Variants in SLC6A12 observed in about 807,000 individuals in gnomAD.
The protein encoded by SLC6A12 is sodium- and chloride-dependent betaine transporter.
A neutral mutation model predicts 73.3 loss-of-function variants in SLC6A12; 50 were observed. The observed-to-expected ratio is 0.68, with a 90% CI of 0.54 to 0.86. The LOEUF (loss-of-function observed/expected upper bound fraction) is 0.86, where lower values mean the gene tolerates loss of function less well. SLC6A12 is among the 40% of genes least tolerant of loss of function. SLC6A12 has a pLI of 0.00. For synonymous variants in SLC6A12, 304 were observed against 309.2 expected (o/e 0.98, Z 0.18); for missense variants, 648 against 772.8 (o/e 0.84, Z 1.92).
chr12:187,170 CCT>C (rs767118314), downstream of SLC6A12, among the ~76,000 whole-genome samples: 49 of 152,142 alleles, frequency 3.2e-4, no homozygotes, highest in Non-Finnish European at 6.2e-4. Flanking sequence ...CCAGATTTGG[CCT>C]CTGTTCACCA....
Position 191,109 on chromosome 12 carries a change from T to C in SLC6A12, c.1804A>G (p.Arg602Gly). ...AGRNFGPSPT[R>G]EGLIAGEKET... ...TTCTCCCCGGCTATCAGTCCTTCCC[T>C]TGTTGGGGAGGGCCCAAAGTTCCGG... The change falls in exon 16 of 16, where the codon AGG becomes GGG. Residue 602 changes from arginine (R) to glycine (G), a missense_variant. Arg to Gly is a moderately radical substitution (Grantham distance 125). Coordinates refer to ENST00000684302, the MANE Select transcript of SLC6A12 (RefSeq NM_001122848.3). 1 of 1,354,670 alleles carries C rather than the reference T, an allele frequency of 7.4e-7. No homozygotes were observed. Among genetic ancestry groups the C allele is most frequent in the Non-Finnish European group, 9.6e-7 (1 of 1,040,340 alleles). 83.9% of individuals were successfully genotyped at this position (1,354,670 alleles called of 1,614,324 possible).
At chr12:186,982 C>G (rs11061833), downstream of SLC6A12, among the ~76,000 whole-genome samples, 1 of 152,212 alleles carries the variant, frequency 6.6e-6, no homozygotes, top group African/African-American at 2.4e-5. Context: ...GTTCCCTCCC[C>G]TGCCCAAAGT....
In SLC6A12 at chr12:192,612, G is replaced by C. The variant is rs762988486; in HGVS notation, c.1567C>G (p.Leu523Val). 24 of 1,614,020 alleles carry C rather than the reference G, an allele frequency of 1.5e-5. No homozygotes were observed. The highest frequency in any genetic ancestry group is 2.2e-5 in the East Asian group (1 of 44,874). Reference protein sequence around the residue: ...FLFSLSKYTPLKYNNVYVYPP... With the variant: ...FLFSLSKYTPVKYNNVYVYPP... ...TACACATAGACGTTGTTGTACTTGA[G>C]GGGGGTGTACTTGCTCAAGGAGAAG... is the stretch of plus-strand genomic sequence containing the variant. Residue 523 changes from leucine (L) to valine (V), a missense_variant, in exon 15 of 16, where the codon CTC (leucine) becomes GTC (valine). Coordinates refer to ENST00000684302, the MANE Select transcript of SLC6A12 (RefSeq NM_001122848.3).
At chr12:194,879 C>T (rs1337625597) in intron 13 of SLC6A12, among the ~76,000 whole-genome samples, 1 of 152,160 alleles carries the variant, frequency 6.6e-6, no homozygotes, top group Non-Finnish European at 1.5e-5. Context: ...TGCGGAGGAT[C>T]GGGCTAAGTG....
chr12:187,011 G>A (rs997473653), downstream of SLC6A12, among the ~76,000 whole-genome samples: 8 of 152,166 alleles, frequency 5.3e-5, no homozygotes, highest in African/African-American at 7.2e-5. Flanking sequence ...TCTCCGCTAG[G>A]GCACAGATTA....
chr12:205,730 CAT>C (rs2137189496), intron 3 of SLC6A12, among the ~76,000 whole-genome samples: 1 of 152,338 alleles, frequency 6.6e-6, no homozygotes, highest in South Asian at 2.1e-4. Flanking sequence ...AAAGCACACA[CAT>C]GTATTTCTTT....
intron 13 of SLC6A12, 80 bp from the exon 14 acceptor site, chr12:193,457 C>T (rs1939710513): frequency 1.9e-6 from 2 of 1,077,178 alleles, no homozygotes; most frequent in Non-Finnish European, 1.4e-6. Context: ...ACCCACTTGG[C>T]TCTGTGCCCT....
At chr12:210,193 G>C in intron 2 of SLC6A12, 150 bp from the exon 3 acceptor site, 1 of 1,213,928 alleles carries the variant, frequency 8.2e-7, no homozygotes, top group Admixed American at 2.9e-5. Flanking sequence ...TCTCGTAACT[G>C]TAAGAGCAAA....
chr12:201,523 G>C (rs1056981408), intron 6 of SLC6A12: 63 of 518,622 alleles, frequency 1.2e-4, no homozygotes, highest in African/African-American at 1.1e-3. Flanking sequence ...ACGCATGGAG[G>C]TAGGGATGTG....
chr12:204,799 C>G (rs1940544293), intron 3 of SLC6A12, 101 bp from the exon 4 acceptor site: 2 of 1,361,564 alleles, frequency 1.5e-6, no homozygotes, highest in Admixed American at 2.0e-5. Flanking sequence ...CTCCACCATC[C>G]TGTTCTTAAT....
intron 3 of SLC6A12, among the ~76,000 whole-genome samples, chr12:208,129 C>A (rs1940741334): frequency 2.0e-5 from 3 of 152,196 alleles, no homozygotes; most frequent in Admixed American, 2.0e-4. Flanking sequence ...CAGTCCTGGG[C>A]AAATCCTCCT....
Position 213,542 on chromosome 12 carries a change from C to T in SLC6A12, c.-143+380G>A, listed in dbSNP as rs891164517. ...TCATTTATTGCAGTTCCTGGGCCCT[C>T]GGGAATGCCCCGAGGTTTCTCCTGT... On this transcript the variant is annotated intron_variant, in intron 1 of 15. Transcript: ENST00000684302. This position sits in a 1 kb window ranked among gnomAD's most constrained non-coding sequence, Gnocchi z 5.3. The T allele has an allele frequency of 6.6e-6, 1 of 152,458 alleles. No individual in the cohort carries two copies. Among genetic ancestry groups the T allele is most frequent in the Non-Finnish European group, 1.5e-5 (1 of 68,144 alleles). The allele number at this position is 152,458 out of a possible 1,614,324, so 9.4% of individuals were successfully genotyped here.
intron 9 of SLC6A12, 118 bp downstream of exon 9, chr12:197,782 C>A: frequency 1.4e-6 from 1 of 734,552 alleles, no homozygotes; most frequent in East Asian, 2.7e-5. Context: ...TAAGTTCAGT[C>A]TGATACAACG....
chr12:212,503 C>G (rs528796790), intron 1 of SLC6A12, among the ~76,000 whole-genome samples: 1 of 152,156 alleles, frequency 6.6e-6, no homozygotes, highest in Non-Finnish European at 1.5e-5. Context: ...CCGACACTGA[C>G]GCAACATGAT....
At chr12:187,434 A>C (rs944143875), downstream of SLC6A12, among the ~76,000 whole-genome samples, 3 of 151,680 alleles carry the variant, frequency 2.0e-5, no homozygotes, top group Non-Finnish European at 4.4e-5. Flanking sequence ...TACAACTCTG[A>C]AGGCGGCGCG....
In SLC6A12 at chr12:198,417, G is replaced by T. The variant is rs2137138531; in HGVS notation, c.846+380C>A. 6.6e-6 allele frequency among the ~76,000 whole-genome samples: 1 copy of T among 152,228 alleles called. No individual in the cohort carries two copies. The highest frequency in any genetic ancestry group is 6.5e-5 in the Admixed American group (1 of 15,282). On this transcript the variant is annotated intron_variant, in intron 8 of 15. Coordinates refer to ENST00000684302, the MANE Select transcript of SLC6A12 (RefSeq NM_001122848.3). This position sits in a 1 kb window ranked among gnomAD's most constrained non-coding sequence, Gnocchi z 4.0. ...CTTCATCAAAATATCAAGAGAAAAT[G>T]CCCAGGAACCATGGCTCATGCCTGC...
At chr12:206,471 T>C (rs1940649809) in intron 3 of SLC6A12, among the ~76,000 whole-genome samples, 1 of 152,262 alleles carries the variant, frequency 6.6e-6, no homozygotes. Context: ...TGTTTATCTG[T>C]TCATCTGTTC....
At chr12:205,807 T>C (rs147659753) in intron 3 of SLC6A12, among the ~76,000 whole-genome samples, 84 of 152,360 alleles carry the variant, frequency 5.5e-4, no homozygotes, top group African/African-American at 2.0e-3. Flanking sequence ...TTTAAATTTT[T>C]ACCGTAAACC....
chr12:204,823 C>T (rs986445843), intron 3 of SLC6A12, 125 bp from the exon 4 acceptor site: 32 of 1,097,194 alleles, frequency 2.9e-5, no homozygotes, highest in Non-Finnish European at 3.7e-5. Flanking sequence ...CCTCCTGACA[C>T]TTTCCAAGGG....
Sources: gnomAD v4.1 joint callset for allele counts (sites outside exome capture counted in the v4.1 genomes callset) on GRCh38, gnomAD v4.1.1 for gene constraint, Gnocchi (gnomAD v3.1) non-coding constraint, MANE v1.5 for transcripts, NCBI Gene and HGNC (gene_info 2026-07-23, HGNC 2026-07-21) for gene names.